Variants in ASCC3 observed in about 807,000 individuals in gnomAD.
The protein encoded by ASCC3 is activating signal cointegrator 1 complex subunit 3, also known as ASC-1 complex subunit P200.
ASCC3 carries 158 observed loss-of-function variants against 256.3 expected under a neutral mutation model. That is an observed-to-expected ratio of 0.62 (90% CI 0.54 to 0.70). The LOEUF is 0.70. Among genes scored for constraint, ASCC3 ranks in the 30% least tolerant of loss-of-function variants. The pLI, the probability that ASCC3 is intolerant of heterozygous loss-of-function variation, is 0.00. For synonymous variants in ASCC3, 948 were observed against 883.4 expected (o/e 1.07, Z -1.30); for missense variants, 2,259 against 2,626.0 (o/e 0.86, Z 3.05).
chr6:100,683,925 T>G (rs1435983429), intron 13 of ASCC3, among the ~76,000 whole-genome samples: 1 of 152,158 alleles, frequency 6.6e-6, no homozygotes, highest in East Asian at 1.9e-4. Flanking sequence ...GCCTTTTATA[T>G]TTAAAATACA....
chr6:100,800,538 TA>T, intron 5 of ASCC3, 34 bp from the exon 6 acceptor site: 1 of 1,465,810 alleles, frequency 6.8e-7, no homozygotes, highest in Non-Finnish European at 9.4e-7. Flanking sequence ...CAATGTTTTA[TA>T]AATCTGAATA....
chr6:100,804,314 T>C (rs1036356048), intron 5 of ASCC3, among the ~76,000 whole-genome samples: 1 of 152,128 alleles, frequency 6.6e-6, no homozygotes, highest in African/African-American at 2.4e-5. Flanking sequence ...ACAGTGATCA[T>C]TGTATTATTC....
rs925663323 is a variant in ASCC3, at chr6:100,657,858, TTGAA to T, written c.2704-2044_2704-2041del. Among the ~76,000 whole-genome samples the T allele has an allele frequency of 9.9e-5, 15 of 151,612 alleles. No individual in the cohort carries two copies. In the East Asian group the frequency reaches 2.5e-3, roughly 25 times the overall value. On this transcript the variant is annotated intron_variant, in intron 16 of 41. Transcript: ENST00000369162. ...CTATACCTTATTTTGAGAGTAATAT[TTGAA>T]TGCCACCTAGTGACAAAAAATAAAA...
At chr6:100,527,290 A>G (rs1281269980) in intron 37 of ASCC3, among the ~76,000 whole-genome samples, 2 of 152,192 alleles carry the variant, frequency 1.3e-5, no homozygotes, top group Non-Finnish European at 2.9e-5. Context: ...CTTCTTGCGC[A>G]GTACTGTCTA....
intron 20 of ASCC3, among the ~76,000 whole-genome samples, chr6:100,649,688 A>G (rs1467612869): frequency 6.6e-6 from 1 of 151,648 alleles, no homozygotes; most frequent in Non-Finnish European, 1.5e-5. Flanking sequence ...CTTTCTTTGA[A>G]CAAAATTACA....
chr6:100,718,036 C>CA, intron 12 of ASCC3, 39 bp downstream of exon 12: 1 of 1,590,784 alleles, frequency 6.3e-7, no homozygotes, highest in African/African-American at 1.4e-5. Flanking sequence ...AATAAGTCAA[C>CA]AAAAATATTT....
chr6:100,704,505 G>C (rs1778490666), intron 13 of ASCC3, among the ~76,000 whole-genome samples: 1 of 151,988 alleles, frequency 6.6e-6, no homozygotes, highest in Non-Finnish European at 1.5e-5. Context: ...GATGGAATTT[G>C]TTTTGATTTT....
chr6:100,798,907 T>TAG (rs2114337747), intron 7 of ASCC3, 69 bp from the exon 8 acceptor site: 2 of 1,370,720 alleles, frequency 1.5e-6, no homozygotes, highest in Non-Finnish European at 1.0e-6. Context: ...AAATATTCTT[T>TAG]AGAGAGAGAC....
At position 100,638,760 on chromosome 6, in the gene ASCC3, C is replaced by A. The variant is rs1031491657; in HGVS notation, c.3963G>T (p.Leu1321=). 2.5e-6 allele frequency: 4 copies of A among 1,613,940 alleles called. No individual in the cohort carries two copies. Among genetic ancestry groups the A allele is most frequent in the Non-Finnish European group, 3.4e-6 (4 of 1,179,988 alleles). ...TALGCKAYEA[L]YNFSHFNPVQ... is the part of the protein sequence containing the mutation. Reference sequence around the variant, plus strand: ...CAGGGTTAAAGTGGCTGAAGTTGTACAGGGCTTCATATGCTTTACATCCCA... The same window carrying A: ...CAGGGTTAAAGTGGCTGAAGTTGTAAAGGGCTTCATATGCTTTACATCCCA... The change falls in exon 25 of 42, where the codon CTG becomes CTT. Residue 1321 remains leucine (L), a synonymous_variant. Coordinates refer to ENST00000369162, the MANE Select transcript of ASCC3 (RefSeq NM_006828.4).
At chr6:100,811,205 C>T (rs775122174) in intron 4 of ASCC3, among the ~76,000 whole-genome samples, 80 of 152,122 alleles carry the variant, frequency 5.3e-4, no homozygotes, top group Non-Finnish European at 1.0e-3. Context: ...CACAGTCCTG[C>T]TCTTACAAGT....
At chr6:100,785,357 T>A (rs943875439) in intron 8 of ASCC3, among the ~76,000 whole-genome samples, 5 of 152,144 alleles carry the variant, frequency 3.3e-5, no homozygotes, top group Non-Finnish European at 7.4e-5. Flanking sequence ...CATATATTTT[T>A]ATGTTACTTA....
At chr6:100,840,574 AC>A (rs1195571312) in intron 4 of ASCC3, among the ~76,000 whole-genome samples, 1 of 149,034 alleles carries the variant, frequency 6.7e-6, no homozygotes, top group Non-Finnish European at 1.5e-5. Flanking sequence ...GTTATTTATA[AC>A]AGTAAAAAAC....
rs1448866920 is a variant in ASCC3 at position 100,662,072 on chromosome 6, C to T, written c.2479-42G>A. On this transcript the variant is annotated intron_variant, in intron 15 of 41. Coordinates refer to ENST00000369162, the MANE Select transcript of ASCC3 (RefSeq NM_006828.4). Reference sequence around the variant, plus strand: ...TAACAAAAATTTACATAAACACACACAAATATAATCCTGATGAACTGAATA... The same window carrying T: ...TAACAAAAATTTACATAAACACACATAAATATAATCCTGATGAACTGAATA... 2.6e-6 allele frequency: 4 copies of T among 1,549,888 alleles called. No individual in the cohort carries two copies. In the African/African-American group the frequency reaches 4.1e-5, roughly 16 times the overall value.
At position 100,602,054 on chromosome 6, in the gene ASCC3, T is replaced by C. The variant is rs886901604; in HGVS notation, c.5178-119A>G. The C allele has an allele frequency of 7.9e-6, 8 of 1,016,252 alleles. No homozygotes were observed. In the African/African-American group the frequency reaches 1.1e-4, roughly 15 times the overall value. 63.0% of individuals were successfully genotyped at this position (1,016,252 alleles called of 1,614,324 possible). A position where few individuals can be genotyped will look rare whatever the true frequency, so the allele number is the denominator to read the frequency against. ...CTAAGATAAAAACAAATTTGTTTTA[T>C]ATAACTTAAATATTTAGTATATAAT... On this transcript the variant is annotated intron_variant, in intron 33 of 41. Transcript: ENST00000369162.
chr6:100,571,188 T>C (rs1484168327), intron 36 of ASCC3, among the ~76,000 whole-genome samples: 3 of 152,184 alleles, frequency 2.0e-5, no homozygotes, highest in Non-Finnish European at 4.4e-5. Context: ...TGCTATTCTT[T>C]GAAATTTCCA....
chr6:100,839,043 T>TA lies in ASCC3; in HGVS notation c.801+9104dup, dbSNP rs549180772. Among the ~76,000 whole-genome samples, 738 of 152,234 alleles carry TA rather than the reference T, an allele frequency of 4.8e-3. 9 individuals carry two copies. The highest frequency in any genetic ancestry group is 0.017 in the African/African-American group (715 of 41,582). ...CAGAAACATATCTTTGTTTTACTAA[T>TA]AAAATGCATTTATCTTATTTCTTCC... On this transcript the variant is annotated intron_variant, in intron 4 of 41. Transcript: ENST00000369162.
At chr6:100,692,726 G>A (rs899710488) in intron 13 of ASCC3, among the ~76,000 whole-genome samples, 4 of 151,968 alleles carry the variant, frequency 2.6e-5, no homozygotes, top group Non-Finnish European at 4.4e-5. Flanking sequence ...TGGAAGTGAA[G>A]AAGCCAAGGT....
intron 30 of ASCC3, among the ~76,000 whole-genome samples, chr6:100,608,128 A>ATGTG (rs1773057879): frequency 8.3e-6 from 1 of 120,580 alleles, no homozygotes; most frequent in African/African-American, 3.2e-5. Context: ...CTATATATAC[A>ATGTG]TATATATGTA....
At chr6:100,877,200 C>T (rs916610957) in intron 1 of ASCC3, among the ~76,000 whole-genome samples, 11 of 152,016 alleles carry the variant, frequency 7.2e-5, no homozygotes, top group African/African-American at 2.2e-4. Context: ...TTAAAGTCAG[C>T]ACTTAGTTAC....
Sources: gnomAD v4.1 joint callset for allele counts (sites outside exome capture counted in the v4.1 genomes callset) on GRCh38, gnomAD v4.1.1 for gene constraint, MANE v1.5 for transcripts, NCBI Gene and HGNC (gene_info 2026-07-23, HGNC 2026-07-21) for gene names.